Variants in AGRN observed in about 807,000 individuals in gnomAD.
AGRN encodes the protein agrin proteoglycan.
In AGRN, 106 loss-of-function variants were observed where a neutral mutation model predicts 211.0. The observed-to-expected ratio is 0.50, with a 90% CI of 0.43 to 0.59. The LOEUF (loss-of-function observed/expected upper bound fraction) is 0.59, where lower values mean the gene tolerates loss of function less well. AGRN is among the 20% of genes least tolerant of loss of function. The probability of loss-of-function intolerance (pLI) is 0.00; values close to 1 mark genes in which losing one functional copy is unlikely to be tolerated. For synonymous variants in AGRN, 1,525 were observed against 1,332.5 expected (o/e 1.14, Z -3.15); for missense variants, 3,040 against 2,982.6 (o/e 1.02, Z -0.45).
rs774110928 is a variant in AGRN, at chr1:1,048,842, C to T, written c.4106-25C>T. 36 of 1,522,336 alleles carry T rather than the reference C, an allele frequency of 2.4e-5. No individual in the cohort carries two copies. The highest frequency in any genetic ancestry group is 2.0e-4 in the Middle Eastern group (1 of 5,074). The allele number at this position is 1,522,336 out of a possible 1,614,324, so 94.3% of individuals were successfully genotyped here. A position where few individuals can be genotyped will look rare whatever the true frequency, so the allele number is the denominator to read the frequency against. ...GGGGAATCCTCGGAGCTTTTCCAGC[C>T]GGCCCTCCCGGTCGCCCTTTGCAGT... On this transcript the variant is annotated intron_variant, in intron 23 of 35. Transcript: ENST00000379370. The surrounding 1 kb of genome is among the most constrained non-coding windows in gnomAD (Gnocchi z 5.9).
At chr1:1,022,894 C>T (rs995643681) in intron 2 of AGRN, among the ~76,000 whole-genome samples, 5 of 152,152 alleles carry the variant, frequency 3.3e-5, no homozygotes, top group African/African-American at 4.8e-5. Flanking sequence ...CGAGGCTGTG[C>T]GGCGAGGGCT....
chr1:1,043,653 G>A lies in AGRN; in HGVS notation c.1719G>A (p.Thr573=), dbSNP rs150246085. 13 of 1,600,762 alleles carry A rather than the reference G, an allele frequency of 8.1e-6. No homozygotes were observed. Among genetic ancestry groups the A allele is most frequent in the Middle Eastern group, 3.3e-4 (2 of 6,080 alleles). The part of the protein sequence containing the change: ...AQPVCGSDGH[T]YPSECMLHVH... ...CCGTGTGTGGCTCCGACGGGCACACGTACCCCAGCGAGTGCATGCTGCACG... is the reference window on the plus strand; with the variant it reads ...CCGTGTGTGGCTCCGACGGGCACACATACCCCAGCGAGTGCATGCTGCACG... The change falls in exon 9 of 36, where the codon ACG becomes ACA. Residue 573 remains threonine, a synonymous_variant. Transcript: ENST00000379370.
At chr1:1,044,937 T>C (rs1645048694) in intron 12 of AGRN, among the ~76,000 whole-genome samples, 1 of 152,212 alleles carries the variant, frequency 6.6e-6, no homozygotes, top group Non-Finnish European at 1.5e-5. Flanking sequence ...GATCTTTGGA[T>C]GCTCTGTGTG....
Position 1,045,377 on chromosome 1 carries a change from C to G in AGRN, c.2390C>G (p.Pro797Arg), listed in dbSNP as rs770988590. 1.1e-5 allele frequency: 18 copies of G among 1,611,862 alleles called. No homozygotes were observed. The Admixed American group carries it at 1.7e-4, about 15-fold the overall frequency. ...AGCPSACQCN[P>R]HGSYGGTCDP... ...CTTTCAGGTGCCTGCCAGTGCAACC[C>G]CCATGGCTCTTACGGCGGCACCTGT... is the stretch of plus-strand genomic sequence containing the variant. Residue 797 changes from proline (P) to arginine (R), a missense_variant, in exon 14 of 36, where the codon CCC becomes CGC. Pro to Arg is a moderately radical substitution (Grantham distance 103, BLOSUM62 -2). Transcript: ENST00000379370.
In AGRN at chr1:1,041,498, C is replaced by T. The variant is rs891174893; in HGVS notation, c.973C>T (p.Pro325Ser). Reference protein sequence around the residue: ...GPCDPCQGALPDPSRSCRVNP... With the variant: ...GPCDPCQGALSDPSRSCRVNP... The stretch of plus-strand genomic sequence containing the variant: ...CCCAGACCCCTGTCAGGGCGCCCTC[C>T]CTGACCCGAGCCGCAGCTGCCGTGT... Residue 325 changes from proline to serine, a missense_variant, in exon 6 of 36, where the codon CCT (proline) becomes TCT (serine). Physicochemically the swap from Pro to Ser is moderately conservative, Grantham distance 74. This residue lies in a region of AGRN where 1,498 missense variants were observed against 1,457.8 expected (regional missense o/e 1.03). Coordinates refer to ENST00000379370, the MANE Select transcript of AGRN (RefSeq NM_198576.4). 9.4e-6 allele frequency: 15 copies of T among 1,597,266 alleles called. No homozygotes were observed. Among genetic ancestry groups the T allele is most frequent in the Admixed American group, 1.7e-5 (1 of 59,612 alleles).
At position 1,046,864 on chromosome 1, in the gene AGRN, C is replaced by T; in HGVS notation, c.3295C>T (p.Pro1099Ser). The change falls in exon 19 of 36, where the codon CCT becomes TCT. Residue 1099 changes from proline to serine, a missense_variant. Coordinates refer to ENST00000379370, the MANE Select transcript of AGRN (RefSeq NM_198576.4). ...EGSSVATPGPPVERASCYNSA... is the reference protein window; with the variant it reads ...EGSSVATPGPSVERASCYNSA... ...CAGCAGCGTGGCCACCCCTGGGCCA[C>T]CTGTCGAGAGGGCTTCCTGCTACAA... 5 of 1,587,140 alleles carry T rather than the reference C, an allele frequency of 3.2e-6. No homozygotes were observed. Among genetic ancestry groups the T allele is most frequent in the Non-Finnish European group, 4.3e-6 (5 of 1,168,690 alleles).
intron 7 of AGRN, 124 bp downstream of exon 7, chr1:1,042,286 C>G (rs1644966936): frequency 8.9e-6 from 11 of 1,237,376 alleles, no homozygotes; most frequent in Non-Finnish European, 1.1e-5. Context: ...GCCGGTCCCT[C>G]TGGGAAGGCT....
At position 1,022,255 on chromosome 1, in the gene AGRN, C is replaced by G. The variant is rs748389976; in HGVS notation, c.256C>G (p.Leu86Val). 12 of 1,613,208 alleles carry G rather than the reference C, an allele frequency of 7.4e-6. No individual in the cohort carries two copies. The highest frequency in any genetic ancestry group is 1.0e-5 in the Non-Finnish European group (12 of 1,179,998). The change falls in exon 2 of 36, where the codon CTG becomes GTG. Residue 86 changes from leucine (L) to valine (V), a missense_variant. By Grantham distance (32) the Leu-to-Val change is conservative. Transcript: ENST00000379370. ...AGACCTGGTGGCCCGGGAGAGCCTG[C>G]TGGACGGCGGCAACAAGGTGGTGAT... is the stretch of plus-strand genomic sequence containing the variant. ...GKDLVARESLLDGGNKVVISG... is the reference protein window; with the variant it reads ...GKDLVARESLVDGGNKVVISG...
intron 2 of AGRN, among the ~76,000 whole-genome samples, chr1:1,024,784 T>C (rs980048605): frequency 6.6e-6 from 1 of 151,504 alleles, no homozygotes; most frequent in East Asian, 2.0e-4. Flanking sequence ...GAAAGGCTCC[T>C]CCCCCCTTCT....
At position 1,046,021 on chromosome 1, in the gene AGRN, TGGA is replaced by T; in HGVS notation, c.2743_2745del (p.Glu915del). The T allele has an allele frequency of 1.2e-6, 2 of 1,613,956 alleles. No individual in the cohort carries two copies. The highest frequency in any genetic ancestry group is 1.6e-4 in the Middle Eastern group (1 of 6,062). ...CGCTGTGAGTTCGGTGCGCGGTGCG[TGGA>T]GGAGTCTGGCTCAGCCCACTGTGTC... is the stretch of plus-strand genomic sequence containing the variant. On this transcript the variant is annotated inframe_deletion, in exon 16 of 36. Transcript: ENST00000379370.
At chr1:1,050,190 G>GC (rs755803469) in intron 27 of AGRN, 43 bp from the exon 28 acceptor site, 4 of 1,609,022 alleles carry the variant, frequency 2.5e-6, no homozygotes, top group South Asian at 2.2e-5. Context: ...GGTGCAGGAG[G>GC]CCCCGGGGGT....
intron 2 of AGRN, among the ~76,000 whole-genome samples, chr1:1,023,858 G>A (rs1249182152): frequency 6.6e-6 from 1 of 152,218 alleles, no homozygotes; most frequent in African/African-American, 2.4e-5. Flanking sequence ...TCCGTGGGGA[G>A]CCCCTGCCAG....
chr1:1,035,209 G>A (rs1005267333), intron 2 of AGRN, 68 bp from the exon 3 acceptor site: 18 of 1,567,222 alleles, frequency 1.1e-5, no homozygotes, highest in African/African-American at 1.4e-5. Context: ...TTTCCAGGCT[G>A]GGCAAAGGGA....
chr1:1,053,424 C>A, intron 33 of AGRN: 1 of 1,399,694 alleles, frequency 7.1e-7, no homozygotes, highest in Non-Finnish European at 9.5e-7. Context: ...CCCGCCTGTC[C>A]CCTGCTCACC....
At position 1,046,242 on chromosome 1, in the gene AGRN, T is replaced by C; in HGVS notation, c.2888T>C (p.Ile963Thr). The part of the protein sequence containing the change: ...IACRQGLQIS[I>T]QSLGPCQEAV... ...TGCCGCCAGGGCCTGCAAATCTCTA[T>C]CCAGAGCCTGGGCCCGTGCCAGGGT... is the stretch of plus-strand genomic sequence containing the variant. The change falls in exon 17 of 36, where the codon ATC becomes ACC. Residue 963 changes from isoleucine (I) to threonine (T), a missense_variant. Transcript: ENST00000379370. 1 of 1,613,414 alleles carries C rather than the reference T, an allele frequency of 6.2e-7. No homozygotes were observed. Among genetic ancestry groups the C allele is most frequent in the Non-Finnish European group, 8.5e-7 (1 of 1,179,954 alleles).
In AGRN at chr1:1,048,397, A is replaced by G; in HGVS notation, c.4105+32A>G. 1.9e-6 allele frequency: 2 copies of G among 1,040,616 alleles called. No individual in the cohort carries two copies. The highest frequency in any genetic ancestry group is 2.7e-6 in the Non-Finnish European group (2 of 731,994). The allele number at this position is 1,040,616 out of a possible 1,614,324, so 64.5% of individuals were successfully genotyped here. ...ATGTCCACTGCAGAGGAGGGCGGGG[A>G]GGCAGCAGGGTGGGGGCAAGGATTG... On this transcript the variant is annotated intron_variant, in intron 23 of 35. Transcript: ENST00000379370. This position sits in a 1 kb window ranked among gnomAD's most constrained non-coding sequence, Gnocchi z 5.9.
rs759500435 is a variant in AGRN at position 1,053,868 on chromosome 1, A to G, written c.5767A>G (p.Ile1923Val). The change falls in exon 34 of 36, where the codon ATT (isoleucine) becomes GTT (valine). Residue 1923 changes from isoleucine to valine, a missense_variant. By Grantham distance (29) the Ile-to-Val change is conservative. Transcript: ENST00000379370. ...GCGGGCAGACTATGTGGCACTGGCC[A>G]TTGTGGACGGGCACCTGCAACTGAG... Reference protein sequence around the residue: ...TERADYVALAIVDGHLQLSYN... With the variant: ...TERADYVALAVVDGHLQLSYN... 69 of 1,610,268 alleles carry G rather than the reference A, an allele frequency of 4.3e-5. No homozygotes were observed. Among genetic ancestry groups the G allele is most frequent in the Non-Finnish European group, 5.8e-5 (68 of 1,179,034 alleles).
chr1:1,052,033 G>A (rs747951303), intron 33 of AGRN: 3 of 1,512,920 alleles, frequency 2.0e-6, no homozygotes, highest in East Asian at 2.6e-5. Flanking sequence ...AGAGCTCGGC[G>A]CCCCCCGCTC....
In AGRN at chr1:1,043,765, G is replaced by C. The variant is rs775697736; in HGVS notation, c.1798+33G>C. The C allele has an allele frequency of 4.4e-6, 7 of 1,604,048 alleles. No individual in the cohort carries two copies. The South Asian group carries it at 7.7e-5, about 18-fold the overall frequency. The stretch of plus-strand genomic sequence containing the variant: ...AGGCCCTGGGGCCGGGCGGGCCAGG[G>C]TCCTGTGCCTCCCTCAGCCTGGGCC... On this transcript the variant is annotated intron_variant, in intron 9 of 35. Transcript: ENST00000379370.
Sources: gnomAD v4.1 joint callset for allele counts (sites outside exome capture counted in the v4.1 genomes callset) on GRCh38, gnomAD v4.1.1 for gene constraint, gnomAD v4.1.1 regional missense constraint, Gnocchi (gnomAD v3.1) non-coding constraint, MANE v1.5 for transcripts, NCBI Gene and HGNC (gene_info 2026-07-23, HGNC 2026-07-21) for gene names.